Variants in CDH13 observed in about 807,000 individuals in gnomAD.
The protein encoded by CDH13 is cadherin-13.
In CDH13, 24 loss-of-function variants were observed where a neutral mutation model predicts 63.8. The observed-to-expected ratio is 0.38, with a 90% CI of 0.27 to 0.53. The LOEUF (loss-of-function observed/expected upper bound fraction) is 0.53, where lower values mean the gene tolerates loss of function less well. CDH13 is among the 20% of genes least tolerant of loss of function. The pLI, the probability that CDH13 is intolerant of heterozygous loss-of-function variation, is 0.85. For synonymous variants in CDH13, 503 were observed against 355.3 expected (o/e 1.42, Z -4.67); for missense variants, 1,049 against 903.1 (o/e 1.16, Z -2.07).
At chr16:83,378,603 C>G (rs551367321) in intron 6 of CDH13, among the ~76,000 whole-genome samples, 2 of 152,226 alleles carry the variant, frequency 1.3e-5, no homozygotes, top group South Asian at 2.1e-4. Context: ...GATTAAGACT[C>G]TGATATGATC....
intron 5 of CDH13, among the ~76,000 whole-genome samples, chr16:83,279,639 C>T (rs1176313871): frequency 2.0e-5 from 3 of 152,110 alleles, no homozygotes; most frequent in South Asian, 2.1e-4. Flanking sequence ...TTGAGACAAT[C>T]GGCTATACAT....
At chr16:82,817,337 C>G (rs1446074102) in intron 1 of CDH13, among the ~76,000 whole-genome samples, 1 of 152,056 alleles carries the variant, frequency 6.6e-6, no homozygotes. Context: ...AGCGTGCTCA[C>G]TGTCTTTAGG....
At chr16:82,766,720 C>T (rs1003511243) in intron 1 of CDH13, among the ~76,000 whole-genome samples, 1 of 152,146 alleles carries the variant, frequency 6.6e-6, no homozygotes, top group Non-Finnish European at 1.5e-5. Flanking sequence ...CAAATAAATA[C>T]ATCTGATCAA....
At chr16:83,706,007 C>A (rs937877974) in intron 10 of CDH13, among the ~76,000 whole-genome samples, 1 of 152,120 alleles carries the variant, frequency 6.6e-6, no homozygotes, top group African/African-American at 2.4e-5. Context: ...ACATCGTTTT[C>A]GTGTCTCTGT....
chr16:83,369,791 C>G (rs1567622793), intron 6 of CDH13, among the ~76,000 whole-genome samples: 1 of 152,124 alleles, frequency 6.6e-6, no homozygotes, highest in Non-Finnish European at 1.5e-5. Flanking sequence ...CTTCCTGTGA[C>G]CCCACACCAA....
At position 83,699,982 on chromosome 16, in the gene CDH13, A is replaced by G. The variant is rs961985263; in HGVS notation, c.1538+21521A>G. ...TGCACAAGTTGATGAGTTCTGACAT[A>G]TGTGCACTCCCTTGACGCTATCACC... On this transcript the variant is annotated intron_variant, in intron 10 of 13. Transcript: ENST00000567109. Among the ~76,000 whole-genome samples the G allele has an allele frequency of 4.6e-5, 7 of 152,106 alleles. No homozygotes were observed. In the East Asian group the frequency reaches 1.4e-3, roughly 29 times the overall value.
At chr16:82,676,987 G>T (rs573959061) in intron 1 of CDH13, among the ~76,000 whole-genome samples, 1 of 152,072 alleles carries the variant, frequency 6.6e-6, no homozygotes, top group Non-Finnish European at 1.5e-5. Context: ...AGGTTCAAGC[G>T]ATTCTCCTGC....
intron 7 of CDH13, among the ~76,000 whole-genome samples, chr16:83,563,603 C>G (rs530876447): frequency 4.6e-5 from 7 of 152,202 alleles, no homozygotes; most frequent in African/African-American, 1.7e-4. Flanking sequence ...TTACATATAG[C>G]CTTACGAATC....
chr16:83,584,158 T>G (rs1905911537), intron 7 of CDH13, among the ~76,000 whole-genome samples: 1 of 151,914 alleles, frequency 6.6e-6, no homozygotes, highest in African/African-American at 2.4e-5. Flanking sequence ...TGAAACCCCA[T>G]CTCTACTAAA....
Position 83,163,575 on chromosome 16 carries a change from C to T in CDH13, c.483+38074C>T, listed in dbSNP as rs561230938. Among the ~76,000 whole-genome samples the T allele has an allele frequency of 2.6e-5, 4 of 152,162 alleles. No individual in the cohort carries two copies. In the South Asian group the frequency reaches 6.2e-4, roughly 24 times the overall value. On this transcript the variant is annotated intron_variant, in intron 4 of 13. Transcript: ENST00000567109. ...TTCCTCCTGGGCACACAGAAATTTC[C>T]GACTCTGTTTTCTATTGCCTTTGCA...
chr16:83,529,841 G>A lies in CDH13; in HGVS notation c.960+43186G>A, dbSNP rs145251908. On this transcript the variant is annotated intron_variant, in intron 7 of 13. Transcript: ENST00000567109. ...ACATTTGGTCAGGTGATTATGGAGC[G>A]CTAATGTTTTTCTTACATTTCTGTT... Among the ~76,000 whole-genome samples, 571 of 152,200 alleles carry A rather than the reference G, an allele frequency of 3.8e-3. 9 individuals are homozygous for A. The highest frequency in any genetic ancestry group is 0.033 in the Admixed American group (511 of 15,288).
intron 2 of CDH13, among the ~76,000 whole-genome samples, chr16:82,911,586 A>G (rs1355339867): frequency 6.6e-6 from 1 of 152,186 alleles, no homozygotes; most frequent in African/African-American, 2.4e-5. Context: ...ATCCTGCAGG[A>G]TAATTGTCAG....
intron 3 of CDH13, among the ~76,000 whole-genome samples, chr16:83,106,140 C>T (rs913638961): frequency 3.9e-5 from 6 of 152,164 alleles, no homozygotes; most frequent in Non-Finnish European, 7.3e-5. Flanking sequence ...CTAATCTATT[C>T]TAAGGAATTC....
chr16:83,705,129 G>C (rs537098188), intron 10 of CDH13, among the ~76,000 whole-genome samples: 1 of 152,294 alleles, frequency 6.6e-6, no homozygotes, highest in South Asian at 2.1e-4. Context: ...TATGGGAAAG[G>C]AATTTAAGGT....
chr16:83,648,997 G>A (rs750924216), intron 8 of CDH13, among the ~76,000 whole-genome samples: 2 of 152,234 alleles, frequency 1.3e-5, no homozygotes, highest in Non-Finnish European at 2.9e-5. Flanking sequence ...CTGGGGAACT[G>A]TGGCAAGACA....
At chr16:82,765,883 T>C (rs1000050770) in intron 1 of CDH13, among the ~76,000 whole-genome samples, 5 of 152,176 alleles carry the variant, frequency 3.3e-5, no homozygotes, top group Non-Finnish European at 5.9e-5. Context: ...CATGGAATTA[T>C]CCCCATTATA....
At chr16:82,880,890 A>G (rs980509146) in intron 2 of CDH13, among the ~76,000 whole-genome samples, 2 of 152,174 alleles carry the variant, frequency 1.3e-5, no homozygotes, top group Non-Finnish European at 2.9e-5. Flanking sequence ...TACCATTTGT[A>G]AATCAGATTA....
intron 7 of CDH13, among the ~76,000 whole-genome samples, chr16:83,582,653 G>T (rs1905731333): frequency 6.6e-6 from 1 of 152,292 alleles, no homozygotes; most frequent in Non-Finnish European, 1.5e-5. Context: ...TCACTTCCCA[G>T]CCGTGGGACA....
At chr16:83,322,221 T>A (rs1424280195) in intron 5 of CDH13, among the ~76,000 whole-genome samples, 1 of 152,178 alleles carries the variant, frequency 6.6e-6, no homozygotes, top group Admixed American at 6.5e-5. Flanking sequence ...GCCTTTGGTG[T>A]TGCCGGCTGG....
Sources: gnomAD v4.1 joint callset for allele counts (sites outside exome capture counted in the v4.1 genomes callset) on GRCh38, gnomAD v4.1.1 for gene constraint, MANE v1.5 for transcripts, NCBI Gene and HGNC (gene_info 2026-07-23, HGNC 2026-07-21) for gene names.